Variants in COL20A1 observed in about 807,000 individuals in gnomAD.
COL20A1 encodes collagen type XX alpha 1 chain.
In COL20A1, 164 loss-of-function variants were observed where a neutral mutation model predicts 152.9. That is an observed-to-expected ratio of 1.07 (90% CI 0.94 to 1.22). COL20A1 has a LOEUF of 1.22. COL20A1 is among the 50% of genes most tolerant of loss of function. The pLI, the probability that COL20A1 is intolerant of heterozygous loss-of-function variation, is 0.00. For missense variants in COL20A1, 1,873 were observed against 1,744.8 expected (o/e 1.07, Z -1.31); for synonymous variants, 864 against 756.0 (o/e 1.14, Z -2.34).
chr20:63,313,958 T>G lies in COL20A1; in HGVS notation c.2358+67T>G, dbSNP rs1991768800. ...CCTCCTGGAAGGGGTATGGCCACAC[T>G]GTCTGCGAAGGGTGGCAGCTCTGCC... On this transcript the variant is annotated intron_variant, in intron 18 of 35. Coordinates refer to ENST00000358894, the MANE Select transcript of COL20A1 (RefSeq NM_020882.4). This position sits in a 1 kb window ranked among gnomAD's most constrained non-coding sequence, Gnocchi z 5.9. The G allele has an allele frequency of 6.3e-7, 1 of 1,590,494 alleles. No homozygotes were observed. Among genetic ancestry groups the G allele is most frequent in the Non-Finnish European group, 8.6e-7 (1 of 1,167,992 alleles).
intron 31 of COL20A1, 36 bp downstream of exon 31, chr20:63,326,859 G>T: frequency 1.4e-6 from 2 of 1,440,154 alleles, no homozygotes; most frequent in Non-Finnish European, 1.8e-6. Flanking sequence ...GCCAACCAAA[G>T]GTGGGGGAGC....
intron 19 of COL20A1, among the ~76,000 whole-genome samples, chr20:63,314,953 C>G (rs929872660): frequency 6.6e-6 from 1 of 150,974 alleles, no homozygotes; most frequent in Non-Finnish European, 1.5e-5. Flanking sequence ...CACCAGGCAT[C>G]TCCCTGGCCC....
intron 25 of COL20A1, 103 bp downstream of exon 25, chr20:63,320,471 T>C: frequency 8.7e-7 from 1 of 1,146,058 alleles, no homozygotes; most frequent in South Asian, 1.3e-5. Context: ...ATTGTCACCG[T>C]GCTGGGAGAG....
In COL20A1 at chr20:63,319,697, C is replaced by T; in HGVS notation, c.2916+101C>T. Reference sequence around the variant, plus strand: ...ATGCCAACTCCTCTCCCTAGGAGAGCAGGACCTTCCTTGGGAGGGAACATT... The same window carrying T: ...ATGCCAACTCCTCTCCCTAGGAGAGTAGGACCTTCCTTGGGAGGGAACATT... On this transcript the variant is annotated intron_variant, in intron 23 of 35. Coordinates refer to ENST00000358894, the MANE Select transcript of COL20A1 (RefSeq NM_020882.4). The surrounding 1 kb of genome is among the most constrained non-coding windows in gnomAD (Gnocchi z 4.4). 1.4e-6 allele frequency: 1 copy of T among 733,118 alleles called. No individual in the cohort carries two copies. The highest frequency in any genetic ancestry group is 2.3e-6 in the Non-Finnish European group (1 of 439,016). The allele number at this position is 733,118 out of a possible 1,614,324, so 45.4% of individuals were successfully genotyped here. A position where few individuals can be genotyped will look rare whatever the true frequency, so the allele number is the denominator to read the frequency against.
Position 63,319,342 on chromosome 20 carries a change from C to A in COL20A1, c.2806+142C>A. ...CTGGGTGGGAGGCAGGTGTCCCGGG[C>A]AGGGGGCTGTGGGCCACATTGAGGG... On this transcript the variant is annotated intron_variant, in intron 22 of 35. Transcript: ENST00000358894. This position sits in a 1 kb window ranked among gnomAD's most constrained non-coding sequence, Gnocchi z 4.4. The A allele has an allele frequency of 8.9e-7, 1 of 1,123,240 alleles. No individual in the cohort carries two copies. The highest frequency in any genetic ancestry group is 1.3e-6 in the Non-Finnish European group (1 of 794,688). 69.6% of individuals were successfully genotyped at this position (1,123,240 alleles called of 1,614,324 possible).
Position 63,309,921 on chromosome 20 carries a change from G to A in COL20A1, c.1263+6G>A, listed in dbSNP as rs761582929. 1 of 1,594,710 alleles carries A rather than the reference G, an allele frequency of 6.3e-7. No homozygotes were observed. The highest frequency in any genetic ancestry group is 1.1e-5 in the South Asian group (1 of 87,832). The stretch of plus-strand genomic sequence containing the variant: ...GAGGTGGCACCCCCAGGGAGGTGAG[G>A]GGGCCGGTATACAGGGCTCCCCGAG... On this transcript the variant is annotated splice_donor_region_variant and intron_variant, in intron 10 of 35. Transcript: ENST00000358894.
intron 3 of COL20A1, among the ~76,000 whole-genome samples, chr20:63,298,953 C>A (rs903326260): frequency 1.3e-5 from 2 of 152,252 alleles, no homozygotes; most frequent in African/African-American, 4.8e-5. Context: ...CCCTCCCCTG[C>A]TCCCTGGACG....
intron 21 of COL20A1, 93 bp downstream of exon 21, chr20:63,316,784 G>C: frequency 7.8e-7 from 1 of 1,284,904 alleles, no homozygotes; most frequent in Non-Finnish European, 1.0e-6. Context: ...ATGGGCCGGA[G>C]ACCTCCTGGA....
At position 63,325,948 on chromosome 20, in the gene COL20A1, T is replaced by C. The variant is rs1037205356; in HGVS notation, c.3403-148T>C. The C allele has an allele frequency of 4.0e-6, 3 of 758,034 alleles. No individual in the cohort carries two copies. The African/African-American group carries it at 5.3e-5, about 13-fold the overall frequency. 47.0% of individuals were successfully genotyped at this position (758,034 alleles called of 1,614,324 possible). On this transcript the variant is annotated intron_variant, in intron 29 of 35. Coordinates refer to ENST00000358894, the MANE Select transcript of COL20A1 (RefSeq NM_020882.4). Reference sequence around the variant, plus strand: ...CACTGAGGCAGGGTGGGTGGGGGAGTGGCTGGGTAGGAGCCTGGCAGCCTC... The same window carrying C: ...CACTGAGGCAGGGTGGGTGGGGGAGCGGCTGGGTAGGAGCCTGGCAGCCTC...
intron 29 of COL20A1, among the ~76,000 whole-genome samples, 177 bp from the exon 30 acceptor site, chr20:63,325,919 C>T (rs1347482899): frequency 6.6e-6 from 1 of 151,806 alleles, no homozygotes; most frequent in African/African-American, 2.4e-5. Flanking sequence ...CAGGCAGGAG[C>T]TGTCACTGAG....
chr20:63,297,065 G>A (rs373579400), intron 2 of COL20A1, among the ~76,000 whole-genome samples: 4 of 152,326 alleles, frequency 2.6e-5, no homozygotes, highest in African/African-American at 7.2e-5. Flanking sequence ...AGGCAGCCTC[G>A]TCTTGGCATG....
At position 63,326,761 on chromosome 20, in the gene COL20A1, G is replaced by T; in HGVS notation, c.3466G>T (p.Gly1156Cys). The T allele has an allele frequency of 1.4e-6, 2 of 1,473,830 alleles. No individual in the cohort carries two copies. The highest frequency in any genetic ancestry group is 1.8e-6 in the Non-Finnish European group (2 of 1,120,042). The allele number at this position is 1,473,830 out of a possible 1,614,324, so 91.3% of individuals were successfully genotyped here. The change falls in exon 31 of 36, where the codon GGC (glycine) becomes TGC (cysteine). Residue 1156 changes from glycine to cysteine, a missense_variant. By Grantham distance (159) the Gly-to-Cys change is radical. Coordinates refer to ENST00000358894, the MANE Select transcript of COL20A1 (RefSeq NM_020882.4). ...TTCTGTGTCTATGCAGGGGTTCCAG[G>T]GCATGGCAGGGGCCAGGGGCACTAG... ...PGPPGPRGFQGMAGARGTSGE... is the reference protein window; with the variant it reads ...PGPPGPRGFQCMAGARGTSGE...
chr20:63,325,562 G>A (rs1030488325), intron 28 of COL20A1, 68 bp downstream of exon 28: 1 of 1,552,122 alleles, frequency 6.4e-7, no homozygotes, highest in Admixed American at 1.7e-5. Flanking sequence ...GATGGAGATG[G>A]GGAGTGCCTG....
At chr20:63,303,750 A>G (rs1205588164) in intron 3 of COL20A1, among the ~76,000 whole-genome samples, 1 of 152,148 alleles carries the variant, frequency 6.6e-6, no homozygotes, top group Non-Finnish European at 1.5e-5. Flanking sequence ...CTGCACAGGG[A>G]GGATGGTGTC....
chr20:63,315,795 C>A (rs1470931756), intron 20 of COL20A1, among the ~76,000 whole-genome samples: 3 of 152,174 alleles, frequency 2.0e-5, no homozygotes, highest in Non-Finnish European at 4.4e-5. Flanking sequence ...GTGAGGCCCT[C>A]CCCAGAGAGG....
At chr20:63,295,245 G>C (rs1016120608) in intron 2 of COL20A1, 56 bp downstream of exon 2, 4 of 1,217,318 alleles carry the variant, frequency 3.3e-6, no homozygotes, top group Non-Finnish European at 4.7e-6. Context: ...TGCCCCACCA[G>C]TGCCCACGCG....
chr20:63,295,808 A>G (rs1046840700), intron 2 of COL20A1, among the ~76,000 whole-genome samples: 4 of 152,216 alleles, frequency 2.6e-5, no homozygotes, highest in African/African-American at 9.6e-5. Flanking sequence ...GATTGACTCT[A>G]GGAAGGTGAA....
At chr20:63,300,419 T>A (rs1175858134) in intron 3 of COL20A1, among the ~76,000 whole-genome samples, 3 of 152,234 alleles carry the variant, frequency 2.0e-5, no homozygotes, top group Non-Finnish European at 2.9e-5. Flanking sequence ...TCAGATTTTC[T>A]AATTTTTTTG....
At chr20:63,328,669 A>C (rs1477145669) in intron 34 of COL20A1, among the ~76,000 whole-genome samples, 171 bp downstream of exon 34, 1 of 152,190 alleles carries the variant, frequency 6.6e-6, no homozygotes, top group African/African-American at 2.4e-5. Flanking sequence ...CCCTGAGCCC[A>C]CACAAAGCCA....
Sources: allele counts gnomAD v4.1 joint callset (sites outside exome capture counted in the v4.1 genomes callset), GRCh38; gene constraint gnomAD v4.1.1; non-coding constraint Gnocchi (gnomAD v3.1); transcripts MANE v1.5; gene names NCBI Gene and HGNC (gene_info 2026-07-23, HGNC 2026-07-21).